TIPRL: variants seen among roughly 807,000 people sequenced by gnomAD.
The protein encoded by TIPRL is TOR signaling pathway regulator.
A neutral mutation model predicts 32.3 loss-of-function variants in TIPRL; 10 were observed. The observed-to-expected ratio is 0.31, with a 90% CI of 0.19 to 0.52. TIPRL has a LOEUF of 0.52. Among genes scored for constraint, TIPRL ranks in the 20% least tolerant of loss-of-function variants. The pLI, the probability that TIPRL is intolerant of heterozygous loss-of-function variation, is 0.96. For missense variants in TIPRL, 250 were observed against 328.1 expected, an observed-to-expected ratio of 0.76 and a Z score of 1.84; for synonymous variants, 100 against 114.0, an observed-to-expected ratio of 0.88 and a Z score of 0.78.
At position 168,200,289 on chromosome 1, in the gene TIPRL, A is replaced by T. The variant is rs1700196052; in HGVS notation, c.*243A>T. On this transcript the variant is annotated 3_prime_UTR_variant, in exon 7 of 7. Coordinates refer to ENST00000367833, the MANE Select transcript of TIPRL (RefSeq NM_152902.5). ...GTTAAATTTGGATGATTTCTAAATT[A>T]TCACAAAGTGGGACCTCAGCAGTAG... The T allele has an allele frequency of 1.7e-5, 7 of 405,196 alleles. No homozygotes were observed. The highest frequency in any genetic ancestry group is 8.9e-5 in the South Asian group (3 of 33,642). 25.1% of individuals were successfully genotyped at this position (405,196 alleles called of 1,614,324 possible). A position where few individuals can be genotyped will look rare whatever the true frequency, so the allele number is the denominator to read the frequency against.
chr1:168,198,466 T>A (rs1378827362), intron 5 of TIPRL, among the ~76,000 whole-genome samples: 1 of 152,138 alleles, frequency 6.6e-6, no homozygotes, highest in African/African-American at 2.4e-5. Flanking sequence ...AAGAGCTTTA[T>A]GGAATGGGAA....
chr1:168,199,241 A>T (rs1700185655), intron 6 of TIPRL, among the ~76,000 whole-genome samples: 1 of 152,112 alleles, frequency 6.6e-6, no homozygotes, highest in South Asian at 2.1e-4. Context: ...TGAAACCCAG[A>T]GGTGTGACTT....
chr1:168,200,141 T>C lies in TIPRL; in HGVS notation c.*95T>C. On this transcript the variant is annotated 3_prime_UTR_variant, in exon 7 of 7. Coordinates refer to ENST00000367833, the MANE Select transcript of TIPRL (RefSeq NM_152902.5). ...TATTATGAGAATTAATTGCCTTGTT[T>C]ATGTACAGATTTTCTGTAGCCTTAA... 2.9e-6 allele frequency: 4 copies of C among 1,360,800 alleles called. No homozygotes were observed. In the East Asian group the frequency reaches 9.9e-5, roughly 34 times the overall value. 84.3% of individuals were successfully genotyped at this position (1,360,800 alleles called of 1,614,324 possible).
Position 168,191,455 on chromosome 1 carries a change from G to A in TIPRL, c.471G>A (p.Glu157=), listed in dbSNP as rs147544818. 1.7e-5 allele frequency: 26 copies of A among 1,527,138 alleles called. No individual in the cohort carries two copies. The African/African-American group carries it at 3.5e-4, about 20-fold the overall frequency. The allele number at this position is 1,527,138 out of a possible 1,614,324, so 94.6% of individuals were successfully genotyped here. ...TTTTTGAAGAAGTTCTCCTTTTTGA[G>A]GATGAACTTCATGATCATGGAGTTT... ...IKFFEEVLLF[E]DELHDHGVSS... is the part of the protein sequence containing the mutation. Residue 157 remains glutamate (E), a synonymous_variant, in exon 4 of 7, where the codon GAG becomes GAA. Coordinates refer to ENST00000367833, the MANE Select transcript of TIPRL (RefSeq NM_152902.5).
intron 3 of TIPRL, among the ~76,000 whole-genome samples, chr1:168,189,014 A>G (rs1280591235): frequency 6.6e-6 from 1 of 151,946 alleles, no homozygotes; most frequent in Non-Finnish European, 1.5e-5. Context: ...AAATCACTAT[A>G]GCTCTTTAGG....
At chr1:168,182,243 G>C (rs1000113715) in intron 1 of TIPRL, among the ~76,000 whole-genome samples, 1 of 152,066 alleles carries the variant, frequency 6.6e-6, no homozygotes. Context: ...AATATTTAAG[G>C]CACCTTAAAA....
chr1:168,196,123 G>A (rs1451674016), intron 4 of TIPRL, among the ~76,000 whole-genome samples: 4 of 152,210 alleles, frequency 2.6e-5, no homozygotes, highest in Non-Finnish European at 5.9e-5. Context: ...AGCATTCTGT[G>A]TAAGGTCTGT....
rs1165853399 is a variant in TIPRL at position 168,200,376 on chromosome 1, A to C, written c.*330A>C. 5.5e-6 allele frequency: 1 copy of C among 181,360 alleles called. No individual in the cohort carries two copies. The highest frequency in any genetic ancestry group is 1.2e-5 in the Non-Finnish European group (1 of 86,352). The allele number at this position is 181,360 out of a possible 1,614,324, so 11.2% of individuals were successfully genotyped here. A position where few individuals can be genotyped will look rare whatever the true frequency, so the allele number is the denominator to read the frequency against. ...CATTCATCATGAAACACTATCTTCT[A>C]CCAGGAGGAGGTTAATGTAAATCAC... On this transcript the variant is annotated 3_prime_UTR_variant, in exon 7 of 7. Coordinates refer to ENST00000367833, the MANE Select transcript of TIPRL (RefSeq NM_152902.5).
At chr1:168,199,480 T>C (rs1700187794) in intron 6 of TIPRL, among the ~76,000 whole-genome samples, 1 of 152,172 alleles carries the variant, frequency 6.6e-6, no homozygotes, top group African/African-American at 2.4e-5. Flanking sequence ...GGTACCTTCC[T>C]ATAAACTTGA....
chr1:168,198,453 G>A (rs1377775084), intron 5 of TIPRL, among the ~76,000 whole-genome samples: 1 of 152,016 alleles, frequency 6.6e-6, no homozygotes, highest in Non-Finnish European at 1.5e-5. Flanking sequence ...TAAGCTATTT[G>A]GTAAGAGCTT....
Position 168,201,458 on chromosome 1 carries a change from T to C in TIPRL, c.*1412T>C, listed in dbSNP as rs920245830. ...ATTGCTGGAGCCAATAGGCAGGGTA[T>C]ATTTTATTAGCTAAATTTGATATTT... On this transcript the variant is annotated 3_prime_UTR_variant, in exon 7 of 7. Coordinates refer to ENST00000367833, the MANE Select transcript of TIPRL (RefSeq NM_152902.5). 6.6e-6 allele frequency: 1 copy of C among 152,132 alleles called. No individual in the cohort carries two copies. The highest frequency in any genetic ancestry group is 1.5e-5 in the Non-Finnish European group (1 of 67,986). 9.4% of individuals were successfully genotyped at this position (152,132 alleles called of 1,614,324 possible). A position where few individuals can be genotyped will look rare whatever the true frequency, so the allele number is the denominator to read the frequency against.
chr1:168,187,857 A>G (rs1414896591), intron 3 of TIPRL, among the ~76,000 whole-genome samples: 1 of 152,086 alleles, frequency 6.6e-6, no homozygotes, highest in African/African-American at 2.4e-5. Flanking sequence ...CTATAGTCCC[A>G]GCTACTCAGG....
At position 168,184,850 on chromosome 1, in the gene TIPRL, CCTTACTTGGAGAAT is replaced by C. The variant is rs1478723605; in HGVS notation, c.359_372del (p.Leu120SerfsTer2). 6.2e-7 allele frequency: 1 copy of C among 1,610,480 alleles called. No individual in the cohort carries two copies. Among genetic ancestry groups the C allele is most frequent in the Non-Finnish European group, 8.5e-7 (1 of 1,177,538 alleles). ...ACCTATACAACAGATTATAAGGGAA[CCTTACTTGGAGAAT>C]CTCTTAAGTTAAAGGTAAATCTTAC... On this transcript the variant is annotated frameshift_variant, in exon 3 of 7. Coordinates refer to ENST00000367833, the MANE Select transcript of TIPRL (RefSeq NM_152902.5). LOFTEE classifies it high-confidence loss of function.
In TIPRL at chr1:168,178,981, C is replaced by T; in HGVS notation, c.-97C>T. 8.8e-7 allele frequency: 1 copy of T among 1,134,736 alleles called. No homozygotes were observed. Among genetic ancestry groups the T allele is most frequent in the East Asian group, 2.7e-5 (1 of 37,148 alleles). 70.3% of individuals were successfully genotyped at this position (1,134,736 alleles called of 1,614,324 possible). On this transcript the variant is annotated 5_prime_UTR_variant, in exon 1 of 7. Transcript: ENST00000367833. ...CCGGGCATGGTAACGGCTCGGAAGC[C>T]TAGGAGGCTGGGCCGGAGGGAGGCG...
At chr1:168,197,964 T>C (rs2102313884) in intron 5 of TIPRL, among the ~76,000 whole-genome samples, 1 of 152,278 alleles carries the variant, frequency 6.6e-6, no homozygotes, top group African/African-American at 2.4e-5. Context: ...ATATTCACAG[T>C]AGTATTGTTT....
intron 3 of TIPRL, among the ~76,000 whole-genome samples, chr1:168,186,406 G>C (rs1315549443): frequency 6.6e-6 from 1 of 151,912 alleles, no homozygotes; most frequent in Non-Finnish European, 1.5e-5. Context: ...TGAGGCAGGA[G>C]AATCACTTGA....
At chr1:168,192,126 A>T (rs1381070836) in intron 4 of TIPRL, 46 of 1,328,066 alleles carry the variant, frequency 3.5e-5, no homozygotes, top group African/African-American at 6.1e-5. Flanking sequence ...GGATCTGCAG[A>T]CGGCAAGGTG....
At chr1:168,192,924 C>G (rs1274274587) in intron 4 of TIPRL, among the ~76,000 whole-genome samples, 1 of 152,072 alleles carries the variant, frequency 6.6e-6, no homozygotes, top group African/African-American at 2.4e-5. Flanking sequence ...CAAAAAACCT[C>G]TCAATTATAG....
Position 168,179,177 on chromosome 1 carries a change from G to A in TIPRL, c.100G>A (p.Glu34Lys). 3 of 1,614,002 alleles carry A rather than the reference G, an allele frequency of 1.9e-6. No homozygotes were observed. Among genetic ancestry groups the A allele is most frequent in the Non-Finnish European group, 2.5e-6 (3 of 1,179,902 alleles). The change falls in exon 1 of 7, where the codon GAG becomes AAG. Residue 34 changes from glutamate to lysine, a missense_variant. By Grantham distance (56) the Glu-to-Lys change is moderately conservative. Coordinates refer to ENST00000367833, the MANE Select transcript of TIPRL (RefSeq NM_152902.5). ...CCACATCATGAAGTCGGCGGATGTG[G>A]AGAAGTGAGGCTTCGGGGCACGGGG... Reference protein sequence around the residue: ...KTHIMKSADVEKLADELHMPS... With the variant: ...KTHIMKSADVKKLADELHMPS...
Sources: allele counts gnomAD v4.1 joint callset (sites outside exome capture counted in the v4.1 genomes callset), GRCh38; gene constraint gnomAD v4.1.1; transcripts MANE v1.5; gene names NCBI Gene and HGNC (gene_info 2026-07-23, HGNC 2026-07-21).